The following WDR87 variants were observed in gnomAD, a reference collection of about 807,000 sequenced individuals.
WDR87 encodes WD repeat domain 87, also known as WD repeat-containing protein 87.
A neutral mutation model predicts 83.3 loss-of-function variants in WDR87; 56 were observed. The ratio of observed to expected loss-of-function variants is 0.67; its 90% CI spans 0.54 to 0.84. WDR87 has a LOEUF of 0.84. Among genes scored for constraint, WDR87 ranks in the 40% least tolerant of loss-of-function variants. WDR87 has a pLI of 0.00. For synonymous variants in WDR87, 1,173 were observed against 1,250.6 expected, an observed-to-expected ratio of 0.94 and a Z score of 1.31; for missense variants, 2,939 against 3,431.9, an observed-to-expected ratio of 0.86 and a Z score of 3.59.
chr19:37,897,370 G>A (rs1049291275), intron 2 of WDR87, among the ~76,000 whole-genome samples: 8 of 151,436 alleles, frequency 5.3e-5, no homozygotes, highest in Admixed American at 3.9e-4. Context: ...TACCACACCC[G>A]GCTAATACTT....
At position 37,888,545 on chromosome 19, in the gene WDR87, T is replaced by C. The variant is rs996624040; in HGVS notation, c.5126A>G (p.Glu1709Gly). The C allele has an allele frequency of 1.3e-6, 2 of 1,551,876 alleles. No homozygotes were observed. The highest frequency in any genetic ancestry group is 3.9e-5 in the Admixed American group (2 of 50,996). ...QKRKKLAKKWEKVAREEEKLA... is the reference protein window; with the variant it reads ...QKRKKLAKKWGKVAREEEKLA... ...TTTCTCTTCTTCTCTAGCCACTTTC[T>C]CCCATTTCTTGGCCAGTTTCTTCCT... Residue 1709 changes from glutamate to glycine, a missense_variant, in exon 6 of 6, where the codon GAG (glutamate) becomes GGG (glycine). Physicochemically the swap from Glu to Gly is moderately conservative, Grantham distance 98. This residue lies in a region of WDR87 where 2,160 missense variants were observed against 2,533.1 expected (regional missense o/e 0.85). Coordinates refer to ENST00000447313, the MANE Select transcript of WDR87 (RefSeq NM_001291088.2).
In WDR87 at chr19:37,891,555, G is replaced by A; in HGVS notation, c.3391C>T (p.His1131Tyr). 6.4e-7 allele frequency: 1 copy of A among 1,552,124 alleles called. No individual in the cohort carries two copies. Among genetic ancestry groups the A allele is most frequent in the Non-Finnish European group, 8.7e-7 (1 of 1,147,108 alleles). Reference protein sequence around the residue: ...QRRGQAGVKKHSQKWLRGLKK... With the variant: ...QRRGQAGVKKYSQKWLRGLKK... Reference sequence around the variant, plus strand: ...GACCAGATTACCCCTTACATACTATGCTTTTTGACCCCTGCTTGGCCTCGT... The same window carrying A: ...GACCAGATTACCCCTTACATACTATACTTTTTGACCCCTGCTTGGCCTCGT... Residue 1131 changes from histidine (H) to tyrosine (Y), a missense_variant, in exon 5 of 6, where the codon CAT becomes TAT. Around this residue, in one of 3 missense-constraint regions of WDR87, gnomAD observed 2,160 missense variants for 2,533.1 expected, o/e 0.85. Coordinates refer to ENST00000447313, the MANE Select transcript of WDR87 (RefSeq NM_001291088.2).
Position 37,894,319 on chromosome 19 carries a change from G to C in WDR87, c.1384C>G (p.Leu462Val), listed in dbSNP as rs2046234641. ...CCCAAGTTGAAATGCCCATAAGCCA[G>C]GCATTGTACAAAGTCCTGAGAATTT... Reference protein sequence around the residue: ...SPNSQDFVQCLAYGHFNLGRG... With the variant: ...SPNSQDFVQCVAYGHFNLGRG... Residue 462 changes from leucine to valine, a missense_variant, in exon 4 of 6, where the codon CTG becomes GTG. By Grantham distance (32) the Leu-to-Val change is conservative. Coordinates refer to ENST00000447313, the MANE Select transcript of WDR87 (RefSeq NM_001291088.2). 6.4e-7 allele frequency: 1 copy of C among 1,551,646 alleles called. No individual in the cohort carries two copies. The highest frequency in any genetic ancestry group is 1.2e-5 in the South Asian group (1 of 84,060).
rs2046170857 is a variant in WDR87 at position 37,888,408 on chromosome 19, G to A, written c.5263C>T (p.Gln1755Ter). ...TCCCATTCCAGTTCCTCCAATTCCT[G>A]GGCCAGCTCCTTTTCTTGCCAGTCC... ...NLDWQEKELAQELEELEWDME... is the reference protein window; with the variant it reads ...NLDWQEKELA The change falls in exon 6 of 6, where the codon CAG becomes TAG. Residue 1755 changes from glutamine (Q) to a stop codon, truncating the protein, a stop_gained. Coordinates refer to ENST00000447313, the MANE Select transcript of WDR87 (RefSeq NM_001291088.2). LOFTEE classifies it low-confidence loss of function (END_TRUNC). The A allele has an allele frequency of 3.9e-6, 6 of 1,551,972 alleles. No individual in the cohort carries two copies. The highest frequency in any genetic ancestry group is 5.2e-6 in the Non-Finnish European group (6 of 1,147,106).
chr19:37,895,417 CA>C lies in WDR87; in HGVS notation c.285del (p.Glu96ArgfsTer7). The C allele has an allele frequency of 1.3e-6, 2 of 1,551,634 alleles. No homozygotes were observed. Among genetic ancestry groups the C allele is most frequent in the Non-Finnish European group, 8.7e-7 (1 of 1,146,986 alleles). ...TCAGTCATGGAGAATGTTCTTTTCT[CA>C]ACCATGTCCTCAGTTTTGCTCTTCA... Reference protein sequence around the residue: ...AWMKSKTEDMVEKRTFSMTER... With the variant: ...AWMKSKTEDMXEKRTFSMTER... On this transcript the variant is annotated frameshift_variant, in exon 4 of 6. Transcript: ENST00000447313. LOFTEE classifies it high-confidence loss of function.
chr19:37,897,314 T>G (rs982002992), intron 2 of WDR87, among the ~76,000 whole-genome samples: 2 of 150,284 alleles, frequency 1.3e-5, no homozygotes, highest in African/African-American at 4.9e-5. Flanking sequence ...TTCCAAGTGA[T>G]TCTCCTGCCT....
rs772266230 is a variant in WDR87, at chr19:37,889,809, G to A, written c.3862C>T (p.Leu1288Phe). 1.4e-5 allele frequency: 21 copies of A among 1,551,706 alleles called. No individual in the cohort carries two copies. Among genetic ancestry groups the A allele is most frequent in the Admixed American group, 2.0e-5 (1 of 51,002 alleles). Residue 1288 changes from leucine to phenylalanine, a missense_variant, in exon 6 of 6, where the codon CTT (leucine) becomes TTT (phenylalanine). By Grantham distance (22) the Leu-to-Phe change is conservative. This residue lies in a region of WDR87 where 2,160 missense variants were observed against 2,533.1 expected (regional missense o/e 0.85). Coordinates refer to ENST00000447313, the MANE Select transcript of WDR87 (RefSeq NM_001291088.2). ...GAACCAGATATCCTCAGGGCCATAA[G>A]ACGACATAGATCGTCCCTCCATGAT... The part of the protein sequence containing the change: ...GSSWRDDLCR[L>F]MALRISGSQT...
chr19:37,900,659 C>T (rs565442216), intron 1 of WDR87, among the ~76,000 whole-genome samples: 2 of 151,834 alleles, frequency 1.3e-5, no homozygotes, highest in East Asian at 1.9e-4. Flanking sequence ...GAAGGCTCTC[C>T]GATCCACAAA....
chr19:37,887,232 C>A lies in WDR87; in HGVS notation c.6439G>T (p.Glu2147Ter). 6.4e-7 allele frequency: 1 copy of A among 1,551,780 alleles called. No homozygotes were observed. The highest frequency in any genetic ancestry group is 8.7e-7 in the Non-Finnish European group (1 of 1,146,998). ...CTCTGTTCTATACTCAACCTGCGCTCCTTAACAAAGAGTGCCCTCTTCATC... is the reference window on the plus strand; with the variant it reads ...CTCTGTTCTATACTCAACCTGCGCTACTTAACAAAGAGTGCCCTCTTCATC... The part of the protein sequence containing the change: ...TKMKRALFVK[E>*]RRLSIEQSKL... The change falls in exon 6 of 6, where the codon GAG becomes TAG. Residue 2147 changes from glutamate (E) to a stop codon, truncating the protein, a stop_gained. Transcript: ENST00000447313. LOFTEE classifies it low-confidence loss of function (END_TRUNC).
chr19:37,893,543 G>C lies in WDR87; in HGVS notation c.2160C>G (p.Tyr720Ter), dbSNP rs1163911316. 6.4e-7 allele frequency: 1 copy of C among 1,551,788 alleles called. No homozygotes were observed. The highest frequency in any genetic ancestry group is 8.7e-7 in the Non-Finnish European group (1 of 1,147,034). ...CTAATTTCTGTTGCGCTTGTCCAGGGTAGATGTACTTGGGCACAAACATGG... is the reference window on the plus strand; with the variant it reads ...CTAATTTCTGTTGCGCTTGTCCAGGCTAGATGTACTTGGGCACAAACATGG... The part of the protein sequence containing the change: ...FETMFVPKYI[Y>*]PGQAQQKLVG... Residue 720 changes from tyrosine (Y) to a stop codon, truncating the protein, a stop_gained, in exon 4 of 6, where the codon TAC becomes TAG. Coordinates refer to ENST00000447313, the MANE Select transcript of WDR87 (RefSeq NM_001291088.2). LOFTEE classifies it high-confidence loss of function.
intron 5 of WDR87, 87 bp downstream of exon 5, chr19:37,891,463 GCC>G: frequency 6.8e-7 from 1 of 1,464,810 alleles, no homozygotes; most frequent in Non-Finnish European, 9.1e-7. Flanking sequence ...TGTCCCGCCA[GCC>G]CACCTAGTAT....
chr19:37,887,955 G>A lies in WDR87; in HGVS notation c.5716C>T (p.Leu1906Phe), dbSNP rs2145419716. ...KENLLYNKERLTHSKKQLVQV... is the reference protein window; with the variant it reads ...KENLLYNKERFTHSKKQLVQV... Reference sequence around the variant, plus strand: ...ACTAATTGCTTTTTGCTGTGGGTGAGTCTTTCTTTATTATAGAGTAGGTTC... The same window carrying A: ...ACTAATTGCTTTTTGCTGTGGGTGAATCTTTCTTTATTATAGAGTAGGTTC... Residue 1906 changes from leucine to phenylalanine, a missense_variant, in exon 6 of 6, where the codon CTC becomes TTC. Leu to Phe is a conservative substitution (Grantham distance 22). This residue lies in a region of WDR87 where 2,160 missense variants were observed against 2,533.1 expected (regional missense o/e 0.85). Transcript: ENST00000447313. 2 of 1,551,104 alleles carry A rather than the reference G, an allele frequency of 1.3e-6. No individual in the cohort carries two copies. Among genetic ancestry groups the A allele is most frequent in the Non-Finnish European group, 1.7e-6 (2 of 1,146,918 alleles).
Position 37,886,310 on chromosome 19 carries a change from C to T in WDR87, c.7361G>A (p.Trp2454Ter). 1 of 1,551,644 alleles carries T rather than the reference C, an allele frequency of 6.4e-7. No individual in the cohort carries two copies. The change falls in exon 6 of 6, where the codon TGG (tryptophan) becomes TAG (stop). Residue 2454 changes from tryptophan to a stop codon, truncating the protein, a stop_gained. Coordinates refer to ENST00000447313, the MANE Select transcript of WDR87 (RefSeq NM_001291088.2). LOFTEE classifies it low-confidence loss of function (END_TRUNC). ...AACTACTGTGGCCTTTTTATCTTCC[C>T]AGGATATTTGTTTCTCCGGCACTGG... ...PVPVPEKQIS[W>*]EDKKATVVEI...
rs750919294 is a variant in WDR87, at chr19:37,895,417, C to A, written c.286G>T (p.Glu96Ter). ...TCAGTCATGGAGAATGTTCTTTTCT[C>A]AACCATGTCCTCAGTTTTGCTCTTC... Reference protein sequence around the residue: ...WMKSKTEDMVEKRTFSMTERL... With the variant: ...WMKSKTEDMV The change falls in exon 4 of 6, where the codon GAG becomes TAG. Residue 96 changes from glutamate to a stop codon, truncating the protein, a stop_gained. Transcript: ENST00000447313. LOFTEE classifies it high-confidence loss of function. The A allele has an allele frequency of 6.4e-7, 1 of 1,551,516 alleles. No homozygotes were observed. Among genetic ancestry groups the A allele is most frequent in the Non-Finnish European group, 8.7e-7 (1 of 1,146,994 alleles).
Position 37,896,205 on chromosome 19 carries a change from T to C in WDR87, c.179A>G (p.Tyr60Cys), listed in dbSNP as rs567858572. ...RYPQNMPCVC[Y>C]YFSDAHFFAS... Reference sequence around the variant, plus strand: ...GAAGAAGTGGGCATCACTGAAGTAATAGCATACACACGGCATATTTTGAGG... The same window carrying C: ...GAAGAAGTGGGCATCACTGAAGTAACAGCATACACACGGCATATTTTGAGG... Residue 60 changes from tyrosine (Y) to cysteine (C), a missense_variant, in exon 3 of 6, where the codon TAT becomes TGT. This residue lies in a region of WDR87 where 226 missense variants were observed against 320.9 expected (regional missense o/e 0.70). Coordinates refer to ENST00000447313, the MANE Select transcript of WDR87 (RefSeq NM_001291088.2). 1.1e-5 allele frequency: 17 copies of C among 1,552,280 alleles called. No homozygotes were observed. The East Asian group carries it at 2.0e-4, about 18-fold the overall frequency.
intron 1 of WDR87, among the ~76,000 whole-genome samples, chr19:37,901,226 T>C (rs2046291982): frequency 4.1e-5 from 6 of 147,558 alleles, no homozygotes; most frequent in Admixed American, 4.1e-4. Context: ...AGGTCAGGAG[T>C]TCAAAACCAG....
At chr19:37,901,853 A>G (rs962626733) in intron 1 of WDR87, among the ~76,000 whole-genome samples, 5 of 151,840 alleles carry the variant, frequency 3.3e-5, no homozygotes, top group African/African-American at 1.2e-4. Context: ...AACTGGGACC[A>G]CAGGCACACA....
At position 37,895,430 on chromosome 19, in the gene WDR87, A is replaced by G. The variant is rs2046246662; in HGVS notation, c.273T>C (p.Thr91=). 1 of 1,551,540 alleles carries G rather than the reference A, an allele frequency of 6.4e-7. No homozygotes were observed. The highest frequency in any genetic ancestry group is 2.4e-5 in the East Asian group (1 of 40,924). The stretch of plus-strand genomic sequence containing the variant: ...ATGTTCTTTTCTCAACCATGTCCTC[A>G]GTTTTGCTCTTCATCCATGCTACAG... ...IQAVAWMKSK[T]EDMVEKRTFS... The change falls in exon 4 of 6, where the codon ACT becomes ACC. Residue 91 remains threonine, a synonymous_variant. Coordinates refer to ENST00000447313, the MANE Select transcript of WDR87 (RefSeq NM_001291088.2).
In WDR87 at chr19:37,887,007, C is replaced by G. The variant is rs767174501; in HGVS notation, c.6664G>C (p.Gly2222Arg). The G allele has an allele frequency of 4.2e-5, 65 of 1,551,788 alleles. No homozygotes were observed. In the African/African-American group the frequency reaches 6.7e-4, roughly 16 times the overall value. ...GGGATTACCTCTTCTTCTTCTATTCCTCCTTCCTCTTCATCATCCAGTATG... is the reference window on the plus strand; with the variant it reads ...GGGATTACCTCTTCTTCTTCTATTCGTCCTTCCTCTTCATCATCCAGTATG... ...EVILDDEEEG[G>R]IEEEEVIPFL... Residue 2222 changes from glycine to arginine, a missense_variant, in exon 6 of 6, where the codon GGA (glycine) becomes CGA (arginine). Gly to Arg is a moderately radical substitution (Grantham distance 125). This residue lies in a region of WDR87 where 2,160 missense variants were observed against 2,533.1 expected (regional missense o/e 0.85). Coordinates refer to ENST00000447313, the MANE Select transcript of WDR87 (RefSeq NM_001291088.2).
Sources: allele counts gnomAD v4.1 joint callset (sites outside exome capture counted in the v4.1 genomes callset), GRCh38; gene constraint gnomAD v4.1.1; regional missense constraint gnomAD v4.1.1; transcripts MANE v1.5; gene names NCBI Gene and HGNC (gene_info 2026-07-23, HGNC 2026-07-21).